ZNF148: variants seen among roughly 807,000 people sequenced by gnomAD.
ZNF148 encodes zinc finger protein 148, also known as Beta-Enolase Repressor Factor-1.
ZNF148 carries 7 observed loss-of-function variants against 67.7 expected under a neutral mutation model. The observed-to-expected ratio is 0.10, with a 90% CI of 0.06 to 0.19. ZNF148 has a LOEUF of 0.19. Ranked by LOEUF, ZNF148 falls within the 10% of genes least tolerant of loss-of-function variation. The pLI is 1.00. For missense variants in ZNF148, 583 were observed against 947.1 expected (o/e 0.62, Z 5.05); for synonymous variants, 333 against 330.7 (o/e 1.01, Z -0.08).
At chr3:125,273,619 G>A (rs748628320) in intron 7 of ZNF148, among the ~76,000 whole-genome samples, 3 of 150,606 alleles carry the variant, frequency 2.0e-5, no homozygotes, top group African/African-American at 4.9e-5. Context: ...TCAGCCTCCC[G>A]AGTAGCTAGG....
At chr3:125,239,037 A>G (rs1936225283) in intron 7 of ZNF148, among the ~76,000 whole-genome samples, 1 of 152,236 alleles carries the variant, frequency 6.6e-6, no homozygotes, top group South Asian at 2.1e-4. Flanking sequence ...TTCTGCTTAT[A>G]TGCGGTATCT....
At chr3:125,273,444 T>C (rs1423117146) in intron 7 of ZNF148, among the ~76,000 whole-genome samples, 1 of 151,956 alleles carries the variant, frequency 6.6e-6, no homozygotes, top group African/African-American at 2.4e-5. Context: ...AGTGAACATA[T>C]ATAATTCTGA....
At chr3:125,319,593 T>A (rs981564598) in intron 3 of ZNF148, among the ~76,000 whole-genome samples, 4 of 152,246 alleles carry the variant, frequency 2.6e-5, no homozygotes, top group Non-Finnish European at 5.9e-5. Context: ...AATATGTTTA[T>A]GTCTGTATTC....
chr3:125,234,869 C>T (rs1251255912), intron 7 of ZNF148, among the ~76,000 whole-genome samples: 1 of 152,134 alleles, frequency 6.6e-6, no homozygotes, highest in Non-Finnish European at 1.5e-5. Context: ...CTCAAGCCAG[C>T]ACTTCCCATA....
intron 1 of ZNF148, among the ~76,000 whole-genome samples, chr3:125,336,527 T>G (rs1941498973): frequency 6.6e-6 from 1 of 151,750 alleles, no homozygotes; most frequent in African/African-American, 2.4e-5. Flanking sequence ...AAATTTAAAT[T>G]TAAAGTTATT....
intron 1 of ZNF148, among the ~76,000 whole-genome samples, chr3:125,354,009 A>G (rs2107764949): frequency 6.6e-6 from 1 of 152,188 alleles, no homozygotes; most frequent in African/African-American, 2.4e-5. Flanking sequence ...ATAATATTCT[A>G]TTTTTCATCA....
intron 1 of ZNF148, among the ~76,000 whole-genome samples, chr3:125,368,667 G>A (rs565570446): frequency 2.7e-5 from 4 of 150,796 alleles, no homozygotes; most frequent in Admixed American, 1.3e-4. Flanking sequence ...CCTCTTGGCC[G>A]GGTGTGATGA....
At chr3:125,288,316 C>T in intron 4 of ZNF148, 88 bp from the exon 5 acceptor site, 5 of 1,377,678 alleles carry the variant, frequency 3.6e-6, no homozygotes, top group Admixed American at 2.3e-5. Context: ...CTTTGCTAAA[C>T]CCACATACAG....
chr3:125,353,063 A>C (rs1942211128), intron 1 of ZNF148, among the ~76,000 whole-genome samples: 1 of 152,186 alleles, frequency 6.6e-6, no homozygotes, highest in South Asian at 2.1e-4. Flanking sequence ...TTTTATCTCA[A>C]AGAAAGGAAA....
chr3:125,329,260 A>G (rs1941166570), intron 2 of ZNF148, among the ~76,000 whole-genome samples: 1 of 147,982 alleles, frequency 6.8e-6, no homozygotes. Context: ...TGTAGTATAT[A>G]CATATGAATG....
At chr3:125,268,937 A>T (rs772924062) in intron 7 of ZNF148, among the ~76,000 whole-genome samples, 2 of 152,244 alleles carry the variant, frequency 1.3e-5, no homozygotes, top group African/African-American at 2.4e-5. Flanking sequence ...AAATATTCAC[A>T]AACTATGAAT....
chr3:125,257,558 TAAAA>T (rs747363908), intron 7 of ZNF148, among the ~76,000 whole-genome samples: 21 of 92,348 alleles, frequency 2.3e-4, no homozygotes, highest in African/African-American at 8.8e-4. Context: ...CCGTCTCTAT[TAAAA>T]AAAAAAAAAA....
At position 125,233,848 on chromosome 3, in the gene ZNF148, C is replaced by T; in HGVS notation, c.878G>A (p.Gly293Asp). The T allele has an allele frequency of 1.2e-6, 2 of 1,613,508 alleles. No homozygotes were observed. The highest frequency in any genetic ancestry group is 1.7e-6 in the Non-Finnish European group (2 of 1,179,848). The change falls in exon 9 of 9, where the codon GGC (glycine) becomes GAC (aspartate). Residue 293 changes from glycine (G) to aspartate (D), a missense_variant. Coordinates refer to ENST00000360647, the MANE Select transcript of ZNF148 (RefSeq NM_021964.3). The surrounding 1 kb of genome is among the most constrained non-coding windows in gnomAD (Gnocchi z 5.1). ...AGAATCTTCCTCAGATGTCAGAAGG[C>T]CACCTTTGATGGCACATCTATTTAG... is the stretch of plus-strand genomic sequence containing the variant. Reference protein sequence around the residue: ...KKLNRCAIKGGLLTSEEDSGF... With the variant: ...KKLNRCAIKGDLLTSEEDSGF...
intron 4 of ZNF148, among the ~76,000 whole-genome samples, chr3:125,297,858 T>A (rs1479855077): frequency 6.6e-6 from 1 of 152,164 alleles, no homozygotes; most frequent in African/African-American, 2.4e-5. Context: ...TAAATTCAAT[T>A]CTAAGTATAT....
At chr3:125,247,305 A>G (rs1015541588) in intron 7 of ZNF148, among the ~76,000 whole-genome samples, 17 of 152,208 alleles carry the variant, frequency 1.1e-4, no homozygotes, top group Admixed American at 7.9e-4. Flanking sequence ...TCCCTCCCCA[A>G]AAAGAAAGTT....
intron 1 of ZNF148, chr3:125,338,817 T>C (rs4679387): frequency 0.77 from 117,231 of 152,100 alleles, 45,723 homozygotes; most frequent in African/African-American, 0.85. Context: ...TTTGATATTT[T>C]TCACCTTATT....
At chr3:125,349,619 T>A (rs1215471080) in intron 1 of ZNF148, among the ~76,000 whole-genome samples, 1 of 152,206 alleles carries the variant, frequency 6.6e-6, no homozygotes. Context: ...AACACTTAAA[T>A]ATTGCTGGTG....
intron 4 of ZNF148, among the ~76,000 whole-genome samples, chr3:125,299,812 C>A (rs1249374953): frequency 2.0e-5 from 3 of 152,182 alleles, no homozygotes; most frequent in Admixed American, 2.0e-4. Flanking sequence ...TTAGATAATA[C>A]ACTTTTTTAA....
chr3:125,353,784 A>T (rs1024700894), intron 1 of ZNF148, among the ~76,000 whole-genome samples: 1 of 152,044 alleles, frequency 6.6e-6, no homozygotes, highest in Non-Finnish European at 1.5e-5. Flanking sequence ...AAAAAAATTA[A>T]CATGTGAGGC....
Sources: gnomAD v4.1 joint callset for allele counts (sites outside exome capture counted in the v4.1 genomes callset) on GRCh38, gnomAD v4.1.1 for gene constraint, Gnocchi (gnomAD v3.1) non-coding constraint, MANE v1.5 for transcripts, NCBI Gene and HGNC (gene_info 2026-07-23, HGNC 2026-07-21) for gene names.